The following RASSF1 variants were observed in gnomAD, a reference collection of about 807,000 sequenced individuals.
The protein encoded by RASSF1 is ras association domain-containing protein 1.
In RASSF1, 33 loss-of-function variants were observed where a neutral mutation model predicts 34.3. The observed-to-expected ratio is 0.96, with a 90% CI of 0.73 to 1.29. RASSF1 has a LOEUF of 1.29. RASSF1 is among the 50% of genes most tolerant of loss of function. RASSF1 has a pLI of 0.00. For synonymous variants in RASSF1, 191 were observed against 195.0 expected, an observed-to-expected ratio of 0.98 and a Z score of 0.17; for missense variants, 445 against 471.8, an observed-to-expected ratio of 0.94 and a Z score of 0.53.
In RASSF1 at chr3:50,336,218, G is replaced by A. The variant is rs115339582; in HGVS notation, c.357+1687C>T. The stretch of plus-strand genomic sequence containing the variant: ...CTGGGCTAAGATTTTGGCGTGCTGA[G>A]CACCACCCATTTTGTAAGGAATTTT... On this transcript the variant is annotated intron_variant, in intron 2 of 5. Transcript: ENST00000359365. Among the ~76,000 whole-genome samples the A allele has an allele frequency of 1.1e-3, 164 of 152,292 alleles. 1 individual carries two copies. Among genetic ancestry groups the A allele is most frequent in the Non-Finnish European group, 2.0e-3 (133 of 68,022 alleles).
intron 5 of RASSF1, 117 bp downstream of exon 5, chr3:50,331,217 C>T (rs1262337609): frequency 1.2e-6 from 1 of 823,208 alleles, no homozygotes; most frequent in East Asian, 2.8e-5. Flanking sequence ...CTATACACTC[C>T]TGGAACTGTT....
chr3:50,338,340 C>T lies in RASSF1; in HGVS notation c.251-329G>A, dbSNP rs372685265. 1.7e-4 allele frequency: 98 copies of T among 564,606 alleles called. No individual in the cohort carries two copies. In the East Asian group the frequency reaches 6.1e-3, roughly 35 times the overall value. The allele number at this position is 564,606 out of a possible 1,614,324, so 35.0% of individuals were successfully genotyped here. Reference sequence around the variant, plus strand: ...TGTCACCCAGGCTGGAGTGCAATGGCGCGATTTCGGCTCACCGCAACCTCC... The same window carrying T: ...TGTCACCCAGGCTGGAGTGCAATGGTGCGATTTCGGCTCACCGCAACCTCC... On this transcript the variant is annotated intron_variant, in intron 1 of 5. Coordinates refer to ENST00000359365, the MANE Select transcript of RASSF1 (RefSeq NM_007182.5).
At chr3:50,333,844 G>A (rs1015628443) in intron 2 of RASSF1, among the ~76,000 whole-genome samples, 5 of 152,168 alleles carry the variant, frequency 3.3e-5, no homozygotes, top group African/African-American at 1.2e-4. Context: ...TGCCGGAAGG[G>A]TGGAGTGTGG....
Position 50,331,745 on chromosome 3 carries a change from GGC to G in RASSF1, c.572_573del (p.Gly191AlafsTer33). The G allele has an allele frequency of 1.2e-6, 2 of 1,610,934 alleles. No individual in the cohort carries two copies. The highest frequency in any genetic ancestry group is 1.7e-6 in the Non-Finnish European group (2 of 1,177,656). ...CGCCTGACACTTGTGCCCCGTCCTG[GGC>G]CCCGCCGGGCATCCTGCAAGGAGGG... ...KPPSLQDARR[G>X]PGRGTSVRRR... On this transcript the variant is annotated frameshift_variant, in exon 4 of 6. Transcript: ENST00000359365. LOFTEE classifies it high-confidence loss of function.
chr3:50,340,236 C>G (rs587659366), intron 1 of RASSF1, among the ~76,000 whole-genome samples: 5 of 152,166 alleles, frequency 3.3e-5, no homozygotes, highest in African/African-American at 7.2e-5. Context: ...AAGAGGCAAG[C>G]CTGGGAAGAT....
At chr3:50,331,897 G>A in intron 3 of RASSF1, 41 bp from the exon 4 acceptor site, 2 of 1,548,506 alleles carry the variant, frequency 1.3e-6, no homozygotes, top group South Asian at 1.2e-5. Context: ...ATAGGTTCCA[G>A]GTGAGATGTC....
intron 2 of RASSF1, chr3:50,337,337 C>G: frequency 6.2e-7 from 1 of 1,609,300 alleles, no homozygotes. Flanking sequence ...CCCGCCCGTC[C>G]CCCAGTCCTG....
Position 50,330,598 on chromosome 3 carries a change from C to A in RASSF1, c.1006G>T (p.Ala336Ser), listed in dbSNP as rs782706060. The change falls in exon 6 of 6, where the codon GCC (alanine) becomes TCC (serine). Residue 336 changes from alanine (A) to serine (S), a missense_variant. Coordinates refer to ENST00000359365, the MANE Select transcript of RASSF1 (RefSeq NM_007182.5). The surrounding 1 kb of genome is among the most constrained non-coding windows in gnomAD (Gnocchi z 4.5). ...ACAAGAGGTCACCCAAGGGGGCAGG[C>A]GTGCAGGGCCTCTTGGATCTTCTGG... The part of the protein sequence containing the change: ...CRQKIQEALH[A>S]CPLG 6.2e-7 allele frequency: 1 copy of A among 1,614,074 alleles called. No homozygotes were observed. The highest frequency in any genetic ancestry group is 8.5e-7 in the Non-Finnish European group (1 of 1,179,986).
At position 50,340,811 on chromosome 3, in the gene RASSF1, G is replaced by A. The variant is rs1301627330; in HGVS notation, c.-6C>T. 5.4e-6 allele frequency: 8 copies of A among 1,492,150 alleles called. No individual in the cohort carries two copies. The highest frequency in any genetic ancestry group is 1.3e-5 in the South Asian group (1 of 79,712). The allele number at this position is 1,492,150 out of a possible 1,614,324, so 92.4% of individuals were successfully genotyped here. On this transcript the variant is annotated 5_prime_UTR_variant, in exon 1 of 6. Transcript: ENST00000359365. ...AGCTCAGGCTCCCCCGACATGGCCC[G>A]GTTGGGCCCGTGCTTCGCTGGCTTT... is the stretch of plus-strand genomic sequence containing the variant.
rs1466315485 is a variant in RASSF1, at chr3:50,330,444, G to A, written c.*137C>T. On this transcript the variant is annotated 3_prime_UTR_variant, in exon 6 of 6. Transcript: ENST00000359365. The surrounding 1 kb of genome is among the most constrained non-coding windows in gnomAD (Gnocchi z 4.5). The stretch of plus-strand genomic sequence containing the variant: ...GACACAGGGAGCAAGCTACTTCGCT[G>A]TTCTCTGGGCTCATTCCCCCAGCAC... 4 of 1,261,098 alleles carry A rather than the reference G, an allele frequency of 3.2e-6. No individual in the cohort carries two copies. The highest frequency in any genetic ancestry group is 2.2e-5 in the Admixed American group (1 of 46,196). The allele number at this position is 1,261,098 out of a possible 1,614,324, so 78.1% of individuals were successfully genotyped here. A position where few individuals can be genotyped will look rare whatever the true frequency, so the allele number is the denominator to read the frequency against.
intron 3 of RASSF1, 42 bp from the exon 4 acceptor site, chr3:50,331,898 G>A: frequency 6.5e-7 from 1 of 1,548,526 alleles, no homozygotes; most frequent in South Asian, 1.2e-5. Flanking sequence ...TAGGTTCCAG[G>A]TGAGATGTCA....
Position 50,340,654 on chromosome 3 carries a change from C to T in RASSF1, c.152G>A (p.Gly51Asp), listed in dbSNP as rs1358949790. The T allele has an allele frequency of 6.5e-7, 1 of 1,526,826 alleles. No homozygotes were observed. 94.6% of individuals were successfully genotyped at this position (1,526,826 alleles called of 1,614,324 possible). A position where few individuals can be genotyped will look rare whatever the true frequency, so the allele number is the denominator to read the frequency against. ...GGGCCCCGCGGGCTGGAAGCGGTGG[C>T]CACGGCCAGGGACCAGCTGCCGTGT... ...NPTRQLVPGR[G>D]HRFQPAGPAT... The change falls in exon 1 of 6, where the codon GGC becomes GAC. Residue 51 changes from glycine (G) to aspartate (D), a missense_variant. Coordinates refer to ENST00000359365, the MANE Select transcript of RASSF1 (RefSeq NM_007182.5).
intron 2 of RASSF1, among the ~76,000 whole-genome samples, chr3:50,335,313 C>CT (rs906428880): frequency 0.048 from 5,233 of 107,970 alleles, 305 homozygotes; most frequent in African/African-American, 0.078. Context: ...CCTATTCTTT[C>CT]TTTTTTTTTT....
At position 50,340,761 on chromosome 3, in the gene RASSF1, G is replaced by A. The variant is rs1230364719; in HGVS notation, c.45C>T (p.Pro15=). The change falls in exon 1 of 6, where the codon CCC becomes CCT. Residue 15 remains proline, a synonymous_variant. Transcript: ENST00000359365. ...TGCGGCCCTTCCCAGCGCGCCCAGC[G>A]GGTGCCAGCTCCCGCAGCTCAATGA... The part of the protein sequence containing the change: ...PELIELRELA[P]AGRAGKGRTR... 1 of 1,512,482 alleles carries A rather than the reference G, an allele frequency of 6.6e-7. No individual in the cohort carries two copies. Among genetic ancestry groups the A allele is most frequent in the Non-Finnish European group, 8.8e-7 (1 of 1,140,312 alleles). The allele number at this position is 1,512,482 out of a possible 1,614,324, so 93.7% of individuals were successfully genotyped here. A position where few individuals can be genotyped will look rare whatever the true frequency, so the allele number is the denominator to read the frequency against.
intron 2 of RASSF1, chr3:50,336,926 A>T: frequency 1.8e-6 from 1 of 564,746 alleles, no homozygotes; most frequent in Non-Finnish European, 3.1e-6. Flanking sequence ...CAAGCCATAC[A>T]GCTGCTTTTT....
chr3:50,337,219 T>C (rs769047709), intron 2 of RASSF1: 8 of 1,612,992 alleles, frequency 5.0e-6, no homozygotes, highest in Non-Finnish European at 3.4e-6. Context: ...CGCGGTGAAG[T>C]ACTGCTCGAG....
At position 50,340,704 on chromosome 3, in the gene RASSF1, G is replaced by GA; in HGVS notation, c.101dup (p.Ala35ArgfsTer95). 6.5e-7 allele frequency: 1 copy of GA among 1,528,322 alleles called. No homozygotes were observed. The highest frequency in any genetic ancestry group is 8.7e-7 in the Non-Finnish European group (1 of 1,147,994). 94.7% of individuals were successfully genotyped at this position (1,528,322 alleles called of 1,614,324 possible). On this transcript the variant is annotated frameshift_variant, in exon 1 of 6. Transcript: ENST00000359365. LOFTEE classifies it high-confidence loss of function. ...TGGGGTTGCACGCGGTGCCCCGCGC[G>GA]ATGCGCAGCGCGTTGGCACGCTCCA... is the stretch of plus-strand genomic sequence containing the variant.
At chr3:50,334,086 C>T (rs1159013650) in intron 2 of RASSF1, among the ~76,000 whole-genome samples, 2 of 152,174 alleles carry the variant, frequency 1.3e-5, no homozygotes, top group South Asian at 2.1e-4. Flanking sequence ...CCTGACTCCG[C>T]CCTGGAGTCC....
chr3:50,337,275 G>C, intron 2 of RASSF1: 1 of 1,613,144 alleles, frequency 6.2e-7, no homozygotes, highest in Admixed American at 1.7e-5. Flanking sequence ...TGCTCGTCGT[G>C]CTGCTCCAGG....
Sources: gnomAD v4.1 joint callset for allele counts (sites outside exome capture counted in the v4.1 genomes callset) on GRCh38, gnomAD v4.1.1 for gene constraint, Gnocchi (gnomAD v3.1) non-coding constraint, MANE v1.5 for transcripts, NCBI Gene and HGNC (gene_info 2026-07-23, HGNC 2026-07-21) for gene names.